Variants in ENTPD2 observed in about 807,000 individuals in gnomAD.
The protein encoded by ENTPD2 is ectonucleoside triphosphate diphosphohydrolase 2, also known as CD39 antigen-like 1.
Under a neutral mutation model 46.8 loss-of-function variants are expected in ENTPD2, and 48 were observed. The ratio of observed to expected loss-of-function variants is 1.03; its 90% CI spans 0.81 to 1.30. The LOEUF (loss-of-function observed/expected upper bound fraction) is 1.30, where lower values mean the gene tolerates loss of function less well. Among genes scored for constraint, ENTPD2 ranks in the 50% most tolerant of loss-of-function variants. The pLI, the probability that ENTPD2 is intolerant of heterozygous loss-of-function variation, is 0.00. For missense variants in ENTPD2, 707 were observed against 651.1 expected, an observed-to-expected ratio of 1.09 and a Z score of -0.93; for synonymous variants, 316 against 286.1, an observed-to-expected ratio of 1.10 and a Z score of -1.06.
At chr9:137,049,516 T>G in intron 7 of ENTPD2, 1 of 436,364 alleles carries the variant, frequency 2.3e-6, no homozygotes, top group Non-Finnish European at 4.2e-6. Context: ...GACTCGTACG[T>G]TTCTCTTGGA....
rs971656444 is a variant in ENTPD2, at chr9:137,048,649, G to C, written c.*8C>G. 2.6e-6 allele frequency: 4 copies of C among 1,567,416 alleles called. No individual in the cohort carries two copies. Among genetic ancestry groups the C allele is most frequent in the African/African-American group, 1.4e-5 (1 of 73,978 alleles). On this transcript the variant is annotated 3_prime_UTR_variant, in exon 9 of 9. Transcript: ENST00000355097. Reference sequence around the variant, plus strand: ...GGGGAGGGATGGGGCAGCTGCCCCCGTCGGCCCCTAAATGGTGCTTGGCAG... The same window carrying C: ...GGGGAGGGATGGGGCAGCTGCCCCCCTCGGCCCCTAAATGGTGCTTGGCAG...
chr9:137,048,529 T>A lies in ENTPD2; in HGVS notation c.*128A>T. On this transcript the variant is annotated 3_prime_UTR_variant, in exon 9 of 9. Transcript: ENST00000355097. The stretch of plus-strand genomic sequence containing the variant: ...CAGGATACAGGGGCGGGGAGAGAGG[T>A]TGGGAGAGGGGTGGGTGGAGGGGTG... 4.1e-6 allele frequency: 2 copies of A among 490,268 alleles called. No homozygotes were observed. Among genetic ancestry groups the A allele is most frequent in the Non-Finnish European group, 6.5e-6 (2 of 307,252 alleles). 30.4% of individuals were successfully genotyped at this position (490,268 alleles called of 1,614,324 possible).
rs1285879375 is a variant in ENTPD2 at position 137,051,274 on chromosome 9, C to T, written c.483G>A (p.Ser161=). Reference sequence around the variant, plus strand: ...AGCCAAACACCCCCTCTTCCTGGCCCGAGAGGATGCGTGCACCCCGGAAGT... The same window carrying T: ...AGCCAAACACCCCCTCTTCCTGGCCTGAGAGGATGCGTGCACCCCGGAAGT... ...PFDFRGARIL[S]GQEEGVFGWV... is the part of the protein sequence containing the mutation. Residue 161 remains serine (S), a synonymous_variant, in exon 4 of 9, where the codon TCG becomes TCA. Transcript: ENST00000355097. The T allele has an allele frequency of 3.1e-6, 5 of 1,612,202 alleles. No homozygotes were observed. Among genetic ancestry groups the T allele is most frequent in the East Asian group, 4.5e-5 (2 of 44,892 alleles).
intron 1 of ENTPD2, 106 bp downstream of exon 1, chr9:137,053,775 T>A: frequency 2.8e-6 from 2 of 722,182 alleles, no homozygotes; most frequent in South Asian, 1.4e-4. Context: ...CAGAGCACGG[T>A]GGGGGTCCCG....
In ENTPD2 at chr9:137,051,319, T is replaced by G; in HGVS notation, c.438A>C (p.Thr146=). The change falls in exon 4 of 9, where the codon ACA becomes ACC. Residue 146 remains threonine, a synonymous_variant. Transcript: ENST00000355097. ...STSVLMAVTH[T]LTQYPFDFRG... is the part of the protein sequence containing the mutation. Reference sequence around the variant, plus strand: ...GGAAGTCAAAGGGGTACTGGGTCAGTGTGTGAGTCACTGCCATGAGCACAC... The same window carrying G: ...GGAAGTCAAAGGGGTACTGGGTCAGGGTGTGAGTCACTGCCATGAGCACAC... 6.3e-7 allele frequency: 1 copy of G among 1,596,040 alleles called. No individual in the cohort carries two copies. The highest frequency in any genetic ancestry group is 8.5e-7 in the Non-Finnish European group (1 of 1,169,636).
intron 5 of ENTPD2, 70 bp downstream of exon 5, chr9:137,050,832 C>A: frequency 6.5e-7 from 1 of 1,542,790 alleles, no homozygotes; most frequent in South Asian, 1.1e-5. Flanking sequence ...CCTTCCACAG[C>A]ACAGTGGCTG....
At chr9:137,049,209 A>G in intron 7 of ENTPD2, 134 bp from the exon 8 acceptor site, 1 of 1,409,014 alleles carries the variant, frequency 7.1e-7, no homozygotes, top group Non-Finnish European at 9.7e-7. Context: ...ACCACCACAC[A>G]GGCCCGGACA....
At chr9:137,050,570 C>A (rs201314893) in intron 5 of ENTPD2, 32 bp from the exon 6 acceptor site, 3 of 1,603,338 alleles carry the variant, frequency 1.9e-6, no homozygotes, top group Non-Finnish European at 2.6e-6. Flanking sequence ...CAGGGTGGCA[C>A]CACCACCGCT....
intron 6 of ENTPD2, 116 bp from the exon 7 acceptor site, chr9:137,050,105 A>G: frequency 7.0e-7 from 1 of 1,434,826 alleles, no homozygotes; most frequent in African/African-American, 1.5e-5. Flanking sequence ...CTTACCCACG[A>G]CAAAGTTCCC....
At chr9:137,053,567 G>A (rs1832343490) in intron 1 of ENTPD2, among the ~76,000 whole-genome samples, 1 of 152,258 alleles carries the variant, frequency 6.6e-6, no homozygotes, top group Non-Finnish European at 1.5e-5. Context: ...CACCCAGGGG[G>A]CATCGCTGGG....
chr9:137,048,935 G>A lies in ENTPD2; in HGVS notation c.1284+6C>T, dbSNP rs567115924. ...GTCGGCCCCGCCCCGCCCCGCCCCA[G>A]CCCACCTTCTTCTGGAAGATCACGC... is the stretch of plus-strand genomic sequence containing the variant. On this transcript the variant is annotated splice_donor_region_variant and intron_variant, in intron 8 of 8. Transcript: ENST00000355097. The A allele has an allele frequency of 7.9e-4, 681 of 857,848 alleles. 4 individuals carry two copies. In the South Asian group the frequency reaches 9.7e-3, roughly 12 times the overall value. The allele number at this position is 857,848 out of a possible 1,614,324, so 53.1% of individuals were successfully genotyped here.
rs748596985 is a variant in ENTPD2 at position 137,050,381 on chromosome 9, C to T, written c.932G>A (p.Arg311Gln). 27 of 1,612,934 alleles carry T rather than the reference C, an allele frequency of 1.7e-5. No individual in the cohort carries two copies. The highest frequency in any genetic ancestry group is 1.1e-4 in the East Asian group (5 of 44,902). ...GCTGAAGAGCCCAGAAACCAGATCT[C>T]GGCAGAGGTGGGGGTCACTGCTCCC... is the stretch of plus-strand genomic sequence containing the variant. ...LSGSSDPHLC[R>Q]DLVSGLFSFS... The change falls in exon 6 of 9, where the codon CGA becomes CAA. Residue 311 changes from arginine to glutamine, a missense_variant. Transcript: ENST00000355097.
rs759404134 is a variant in ENTPD2 at position 137,049,166 on chromosome 9, C to A, written c.1150-91G>T. On this transcript the variant is annotated intron_variant, in intron 7 of 8. Coordinates refer to ENST00000355097, the MANE Select transcript of ENTPD2 (RefSeq NM_203468.3). ...GGGGCCGGCGGCGTGCTTCACCCCT[C>A]CCCAGACACACACGGGCCGTGCGAG... is the stretch of plus-strand genomic sequence containing the variant. The A allele has an allele frequency of 7.9e-5, 120 of 1,527,602 alleles. No individual in the cohort carries two copies. In the African/African-American group the frequency reaches 1.1e-3, roughly 14 times the overall value. 94.6% of individuals were successfully genotyped at this position (1,527,602 alleles called of 1,614,324 possible).
In ENTPD2 at chr9:137,051,806, G is replaced by A. The variant is rs984270557; in HGVS notation, c.236-146C>T. The A allele has an allele frequency of 3.9e-6, 5 of 1,297,736 alleles. No homozygotes were observed. In the African/African-American group the frequency reaches 7.5e-5, roughly 19 times the overall value. 80.4% of individuals were successfully genotyped at this position (1,297,736 alleles called of 1,614,324 possible). ...CTGCTTAAGCCCCCAGAAACGCCCA[G>A]GTTGGAGACAAAGGGGCCCAGGTGC... On this transcript the variant is annotated intron_variant, in intron 2 of 8. Transcript: ENST00000355097.
chr9:137,048,561 C>G lies in ENTPD2; in HGVS notation c.*96G>C, dbSNP rs1297747616. 3.7e-5 allele frequency: 34 copies of G among 921,896 alleles called. No individual in the cohort carries two copies. The highest frequency in any genetic ancestry group is 5.0e-5 in the Non-Finnish European group (34 of 686,578). The allele number at this position is 921,896 out of a possible 1,614,324, so 57.1% of individuals were successfully genotyped here. ...AGGGGTGGGTGGAGGGGTGGGGATA[C>G]AGGGGTGGGAGGTACAGGGGTTGTG... On this transcript the variant is annotated 3_prime_UTR_variant, in exon 9 of 9. Transcript: ENST00000355097.
In ENTPD2 at chr9:137,048,629, G is replaced by C; in HGVS notation, c.*28C>G. 2.0e-6 allele frequency: 3 copies of C among 1,538,246 alleles called. No homozygotes were observed. The highest frequency in any genetic ancestry group is 2.6e-6 in the Non-Finnish European group (3 of 1,143,236). ...GGGTGGGGATACAGGGGTTGGGGGA[G>C]GGATGGGGCAGCTGCCCCCGTCGGC... is the stretch of plus-strand genomic sequence containing the variant. On this transcript the variant is annotated 3_prime_UTR_variant, in exon 9 of 9. Transcript: ENST00000355097.
rs979087022 is a variant in ENTPD2, at chr9:137,050,398, A to G, written c.915T>C (p.Ser305=). The G allele has an allele frequency of 1.2e-6, 2 of 1,612,888 alleles. No homozygotes were observed. The highest frequency in any genetic ancestry group is 2.7e-5 in the African/African-American group (2 of 74,934). Residue 305 remains serine, a synonymous_variant, in exon 6 of 9, where the codon AGT becomes AGC. Coordinates refer to ENST00000355097, the MANE Select transcript of ENTPD2 (RefSeq NM_203468.3). ...SSARVSLSGS[S]DPHLCRDLVS... ...CCAGATCTCGGCAGAGGTGGGGGTC[A>G]CTGCTCCCTGACAGGCTGACCCTGG...
rs1832286436 is a variant in ENTPD2 at position 137,051,195 on chromosome 9, T to C, written c.546+16A>G. ...CGCCCACGCCCCCTGGCTCTTTGGC[T>C]GGCTGCTGGGCCCACCTTGATGAAG... On this transcript the variant is annotated intron_variant, in intron 4 of 8. Transcript: ENST00000355097. 1.2e-6 allele frequency: 2 copies of C among 1,612,048 alleles called. No individual in the cohort carries two copies. The highest frequency in any genetic ancestry group is 1.7e-6 in the Non-Finnish European group (2 of 1,179,382).
chr9:137,050,656 G>C, intron 5 of ENTPD2, 118 bp from the exon 6 acceptor site: 1 of 1,441,688 alleles, frequency 6.9e-7, no homozygotes, highest in African/African-American at 1.4e-5. Context: ...GGCAATCCAT[G>C]GCTCCCCACT....
Sources: gnomAD v4.1 joint callset for allele counts (sites outside exome capture counted in the v4.1 genomes callset) on GRCh38, gnomAD v4.1.1 for gene constraint, MANE v1.5 for transcripts, NCBI Gene and HGNC (gene_info 2026-07-23, HGNC 2026-07-21) for gene names.